Variants in ADAMTS9 observed in about 807,000 individuals in gnomAD.
The protein encoded by ADAMTS9 is A disintegrin and metalloproteinase with thrombospondin motifs 9.
Under a neutral mutation model 257.1 loss-of-function variants are expected in ADAMTS9, and 107 were observed. The ratio of observed to expected loss-of-function variants is 0.42; its 90% CI spans 0.36 to 0.49. The LOEUF (loss-of-function observed/expected upper bound fraction) is 0.49, where lower values mean the gene tolerates loss of function less well. Among genes scored for constraint, ADAMTS9 ranks in the 20% least tolerant of loss-of-function variants. The pLI is 0.03. For missense variants in ADAMTS9, 2,353 were observed against 2,469.1 expected (o/e 0.95, Z 1.00); for synonymous variants, 982 against 880.9 (o/e 1.11, Z -2.03).
intron 37 of ADAMTS9, among the ~76,000 whole-genome samples, chr3:64,537,485 T>C (rs1285713072): frequency 6.6e-6 from 1 of 152,230 alleles, no homozygotes; most frequent in African/African-American, 2.4e-5. Context: ...AGGCTCTTTT[T>C]ACCATTATGT....
rs150420672 is a variant in ADAMTS9, at chr3:64,594,254, G to T, written c.4356+4C>A. On this transcript the variant is annotated splice_donor_region_variant and intron_variant, in intron 28 of 39. Coordinates refer to ENST00000498707, the MANE Select transcript of ADAMTS9 (RefSeq NM_182920.2). ...TTAACAAACATGAATAGTTAGGGCC[G>T]TACCGAGCTCCAAGGGCCAGTACTC... 2 of 1,612,320 alleles carry T rather than the reference G, an allele frequency of 1.2e-6. No individual in the cohort carries two copies. The highest frequency in any genetic ancestry group is 2.2e-5 in the South Asian group (2 of 90,858).
In ADAMTS9 at chr3:64,551,033, C is replaced by A; in HGVS notation, c.4728G>T (p.Arg1576Ser). 1 of 1,614,192 alleles carries A rather than the reference C, an allele frequency of 6.2e-7. No homozygotes were observed. Among genetic ancestry groups the A allele is most frequent in the East Asian group, 2.2e-5 (1 of 44,866 alleles). ...CATCCACACACACCACCTTGCGGTA[C>A]CTGGAGCCTTCGCCGCAGGTCTTGG... Reference protein sequence around the residue: ...ECTKTCGEGSRYRKVVCVDDN... With the variant: ...ECTKTCGEGSSYRKVVCVDDN... Residue 1576 changes from arginine (R) to serine (S), a missense_variant, in exon 31 of 40, where the codon AGG (arginine) becomes AGT (serine). Around this residue, in one of 3 missense-constraint regions of ADAMTS9, gnomAD observed 1,402 missense variants for 1,441.4 expected, o/e 0.97. Coordinates refer to ENST00000498707, the MANE Select transcript of ADAMTS9 (RefSeq NM_182920.2).
At chr3:64,679,150 T>C (rs1701694189) in intron 3 of ADAMTS9, among the ~76,000 whole-genome samples, 1 of 152,238 alleles carries the variant, frequency 6.6e-6, no homozygotes, top group African/African-American at 2.4e-5. Context: ...TTTGTGTTTT[T>C]AACAGGATTT....
At chr3:64,609,666 T>C (rs1259541763) in intron 22 of ADAMTS9, among the ~76,000 whole-genome samples, 5 of 152,212 alleles carry the variant, frequency 3.3e-5, no homozygotes, top group Admixed American at 2.0e-4. Flanking sequence ...TACATGTCTA[T>C]GGATTAAAAG....
At chr3:64,609,327 A>C (rs1273437650) in intron 22 of ADAMTS9, among the ~76,000 whole-genome samples, 1 of 152,142 alleles carries the variant, frequency 6.6e-6, no homozygotes, top group Non-Finnish European at 1.5e-5. Flanking sequence ...GAAAGCGGGA[A>C]GGAAGAAGTA....
rs1262916853 is a variant in ADAMTS9 at position 64,546,696 on chromosome 3, A to G, written c.5064+62T>C. ...CTAAGGAGAGCGGGTTAGGCAGGAC[A>G]TGTTTAAGACGGGGTTGAGATCCAA... On this transcript the variant is annotated intron_variant, in intron 32 of 39. Transcript: ENST00000498707. The G allele has an allele frequency of 3.3e-6, 5 of 1,493,098 alleles. No homozygotes were observed. In the African/African-American group the frequency reaches 5.6e-5, roughly 17 times the overall value. 92.5% of individuals were successfully genotyped at this position (1,493,098 alleles called of 1,614,324 possible).
intron 3 of ADAMTS9, among the ~76,000 whole-genome samples, chr3:64,660,950 G>C (rs779210434): frequency 3.9e-5 from 6 of 152,206 alleles, no homozygotes; most frequent in African/African-American, 9.6e-5. Context: ...AAAAGTTACG[G>C]ATACAGTGCG....
At chr3:64,668,965 T>C (rs1665181199) in intron 3 of ADAMTS9, among the ~76,000 whole-genome samples, 2 of 152,124 alleles carry the variant, frequency 1.3e-5, no homozygotes, top group Admixed American at 1.3e-4. Context: ...GAGGACTGGT[T>C]TATAAGGCCT....
intron 2 of ADAMTS9, among the ~76,000 whole-genome samples, chr3:64,681,911 G>A (rs1701767747): frequency 6.6e-6 from 1 of 152,198 alleles, no homozygotes; most frequent in Admixed American, 6.5e-5. Flanking sequence ...TGTCGAAAGA[G>A]TCTTGGAAAC....
chr3:64,686,464 G>A lies in ADAMTS9; in HGVS notation c.516+104C>T. 7.2e-7 allele frequency: 1 copy of A among 1,393,328 alleles called. No individual in the cohort carries two copies. Among genetic ancestry groups the A allele is most frequent in the Admixed American group, 2.7e-5 (1 of 36,684 alleles). The allele number at this position is 1,393,328 out of a possible 1,614,324, so 86.3% of individuals were successfully genotyped here. ...CTGATATTTAACGCCGGAGAGGAGC[G>A]GAGCCTCGCCACAGTGAGGGTCTCT... On this transcript the variant is annotated intron_variant, in intron 2 of 39. Coordinates refer to ENST00000498707, the MANE Select transcript of ADAMTS9 (RefSeq NM_182920.2). This position sits in a 1 kb window ranked among gnomAD's most constrained non-coding sequence, Gnocchi z 4.6.
chr3:64,556,981 A>T (rs1374379917), intron 30 of ADAMTS9, among the ~76,000 whole-genome samples: 1 of 152,198 alleles, frequency 6.6e-6, no homozygotes, highest in Admixed American at 6.5e-5. Flanking sequence ...ATAACTGATA[A>T]CATAGATGAG....
Position 64,616,215 on chromosome 3 carries a change from A to C in ADAMTS9, c.2814-45T>G, listed in dbSNP as rs2084761164. The C allele has an allele frequency of 1.9e-6, 3 of 1,594,398 alleles. No individual in the cohort carries two copies. In the South Asian group the frequency reaches 3.3e-5, roughly 18 times the overall value. On this transcript the variant is annotated intron_variant, in intron 19 of 39. Transcript: ENST00000498707. ...CAAAACCAACATTTCTGTTAAAAAT[A>C]TATGCCTTATCTATAGTCAACTGGT...
chr3:64,605,441 A>G (rs1204455493), intron 23 of ADAMTS9, among the ~76,000 whole-genome samples: 1 of 152,226 alleles, frequency 6.6e-6, no homozygotes, highest in Non-Finnish European at 1.5e-5. Flanking sequence ...GACAACATGA[A>G]CAGCACTGCC....
chr3:64,611,361 T>C (rs2084663178), intron 22 of ADAMTS9, among the ~76,000 whole-genome samples: 1 of 152,142 alleles, frequency 6.6e-6, no homozygotes, highest in Admixed American at 6.5e-5. Flanking sequence ...AACACTGCGG[T>C]ATGTGAAAGA....
At position 64,613,471 on chromosome 3, in the gene ADAMTS9, C is replaced by G. The variant is rs1487126472; in HGVS notation, c.3228G>C (p.Gln1076His). The G allele has an allele frequency of 6.2e-7, 1 of 1,613,932 alleles. No individual in the cohort carries two copies. The highest frequency in any genetic ancestry group is 8.5e-7 in the Non-Finnish European group (1 of 1,179,896). ...GATCTTCACCAAACTGACACCAGAC[C>G]TGGCGGTGCTTATGCCCTTTTCCAC... ...VTCGKGHKHR[Q>H]VWCQFGEDRL... is the part of the protein sequence containing the mutation. Residue 1076 changes from glutamine to histidine, a missense_variant, in exon 22 of 40, where the codon CAG becomes CAC. By Grantham distance (24) the Gln-to-His change is conservative. Coordinates refer to ENST00000498707, the MANE Select transcript of ADAMTS9 (RefSeq NM_182920.2).
intron 19 of ADAMTS9, among the ~76,000 whole-genome samples, chr3:64,619,397 A>C (rs1700049739): frequency 6.6e-6 from 1 of 152,184 alleles, no homozygotes. Context: ...AACTGAATTA[A>C]GAATAAAAAT....
intron 38 of ADAMTS9, among the ~76,000 whole-genome samples, chr3:64,527,554 T>C (rs2082925654): frequency 4.0e-5 from 1 of 24,888 alleles, no homozygotes; most frequent in Non-Finnish European, 8.1e-5. Context: ...TGGTATAATG[T>C]TTATAATGAT....
chr3:64,522,198 A>G lies in ADAMTS9; in HGVS notation c.5781T>C (p.Gly1927=), dbSNP rs1316266771. ...ATAAAACTCGCACCTCCAGGCCAGT[A>G]CCAGAGGATGGAGTGCATTTTCCAC... ...GYCGKCTPSS[G]TGLEVRVL Residue 1927 remains glycine, a synonymous_variant, in exon 39 of 40, where the codon GGT becomes GGC. Transcript: ENST00000498707. 2 of 1,614,072 alleles carry G rather than the reference A, an allele frequency of 1.2e-6. No individual in the cohort carries two copies. The highest frequency in any genetic ancestry group is 2.2e-5 in the East Asian group (1 of 44,878).
rs374619887 is a variant in ADAMTS9, at chr3:64,566,776, T to A, written c.4524+1592A>T. Among the ~76,000 whole-genome samples, 23 of 150,312 alleles carry A rather than the reference T, an allele frequency of 1.5e-4. No individual in the cohort carries two copies. The East Asian group carries it at 3.9e-3, about 26-fold the overall frequency. ...GAACATTAAAAAAAAAAGTAACAGA[T>A]CATGAAAGTCCACAAGAGACAAGCT... On this transcript the variant is annotated intron_variant, in intron 29 of 39. Coordinates refer to ENST00000498707, the MANE Select transcript of ADAMTS9 (RefSeq NM_182920.2).
Sources: allele counts gnomAD v4.1 joint callset (sites outside exome capture counted in the v4.1 genomes callset), GRCh38; gene constraint gnomAD v4.1.1; regional missense constraint gnomAD v4.1.1; non-coding constraint Gnocchi (gnomAD v3.1); transcripts MANE v1.5; gene names NCBI Gene and HGNC (gene_info 2026-07-23, HGNC 2026-07-21).